Variants in TMEM178B observed in about 807,000 individuals in gnomAD.
TMEM178B encodes transmembrane protein 178B.
In TMEM178B, 5 loss-of-function variants were observed where a neutral mutation model predicts 31.0. The ratio of observed to expected loss-of-function variants is 0.16; its 90% CI spans 0.08 to 0.34. TMEM178B has a LOEUF of 0.34. Ranked by LOEUF, TMEM178B falls within the 10% of genes least tolerant of loss-of-function variation. The probability of loss-of-function intolerance (pLI) is 1.00; values close to 1 mark genes in which losing one functional copy is unlikely to be tolerated. For synonymous variants in TMEM178B, 164 were observed against 164.0 expected, an observed-to-expected ratio of 1.00 and a Z score of 0.00; for missense variants, 275 against 400.3, an observed-to-expected ratio of 0.69 and a Z score of 2.67.
intron 1 of TMEM178B, among the ~76,000 whole-genome samples, chr7:141,136,279 A>G (rs1452503495): frequency 1.3e-5 from 2 of 152,246 alleles, no homozygotes; most frequent in East Asian, 1.9e-4. Flanking sequence ...CACTGGGGAA[A>G]GGACTTGCTC....
intron 2 of TMEM178B, among the ~76,000 whole-genome samples, chr7:141,291,732 C>T (rs532130429): frequency 3.9e-4 from 59 of 152,086 alleles, no homozygotes; most frequent in Admixed American, 1.7e-3. Context: ...AGACAACAAA[C>T]GCCTTTTGGT....
chr7:141,218,428 A>G lies in TMEM178B; in HGVS notation c.496+5724A>G, dbSNP rs112356450. ...CCACTAGGAGGGACAAGAAGTAAAA[A>G]TCCAGAACTGTCTCACTTACTGCAG... On this transcript the variant is annotated intron_variant, in intron 2 of 3. Coordinates refer to ENST00000565468, the MANE Select transcript of TMEM178B (RefSeq NM_001195278.2). Among the ~76,000 whole-genome samples, 60 of 152,258 alleles carry G rather than the reference A, an allele frequency of 3.9e-4. 1 individual carries two copies. Among genetic ancestry groups the G allele is most frequent in the African/African-American group, 1.3e-3 (54 of 41,548 alleles).
intron 1 of TMEM178B, among the ~76,000 whole-genome samples, chr7:141,147,219 C>T (rs1795867409): frequency 6.6e-6 from 1 of 152,018 alleles, no homozygotes; most frequent in Admixed American, 6.6e-5. Flanking sequence ...CTCCCTCCGT[C>T]CCTCCTTCCC....
chr7:141,252,288 T>A (rs768620826), intron 2 of TMEM178B, among the ~76,000 whole-genome samples: 7 of 152,188 alleles, frequency 4.6e-5, no homozygotes, highest in Non-Finnish European at 7.4e-5. Flanking sequence ...TGGTGAGGAC[T>A]GGACAGGGGG....
intron 2 of TMEM178B, among the ~76,000 whole-genome samples, chr7:141,220,179 G>T (rs979876126): frequency 7.0e-6 from 1 of 143,672 alleles, no homozygotes; most frequent in Non-Finnish European, 1.5e-5. Flanking sequence ...TTAGCTGGGC[G>T]TGGTGACATA....
At chr7:141,439,687 G>A (rs927190283) in intron 3 of TMEM178B, among the ~76,000 whole-genome samples, 1 of 152,128 alleles carries the variant, frequency 6.6e-6, no homozygotes, top group Non-Finnish European at 1.5e-5. Context: ...CTTTCCTAAG[G>A]CTCTAGAGAG....
chr7:141,285,144 A>T (rs1369442022), intron 2 of TMEM178B, among the ~76,000 whole-genome samples: 19 of 117,990 alleles, frequency 1.6e-4, no homozygotes, highest in Admixed American at 3.6e-4. Flanking sequence ...CCAATTCAGG[A>T]TTCTTGTTTC....
chr7:141,304,565 C>T (rs1038602136), intron 2 of TMEM178B, among the ~76,000 whole-genome samples: 4 of 152,180 alleles, frequency 2.6e-5, no homozygotes, highest in Non-Finnish European at 5.9e-5. Flanking sequence ...ACTGCTGTGA[C>T]CACCATCATC....
rs563038642 is a variant in TMEM178B, at chr7:141,171,612, G to A, written c.383-40979G>A. Among the ~76,000 whole-genome samples, 53 of 152,260 alleles carry A rather than the reference G, an allele frequency of 3.5e-4. No individual in the cohort carries two copies. Among genetic ancestry groups the A allele is most frequent in the African/African-American group, 1.0e-3 (43 of 41,564 alleles). Reference sequence around the variant, plus strand: ...CCACCTTGCCAGGCCTCGGTCTCCCGCATGACACTGTCTTCTGAGTGATGC... The same window carrying A: ...CCACCTTGCCAGGCCTCGGTCTCCCACATGACACTGTCTTCTGAGTGATGC... On this transcript the variant is annotated intron_variant, in intron 1 of 3. Transcript: ENST00000565468. This position sits in a 1 kb window ranked among gnomAD's most constrained non-coding sequence, Gnocchi z 4.3.
chr7:141,333,833 G>A (rs1405234841), intron 2 of TMEM178B, among the ~76,000 whole-genome samples: 1 of 152,194 alleles, frequency 6.6e-6, no homozygotes, highest in African/African-American at 2.4e-5. Flanking sequence ...GTTTCTAAAG[G>A]AGCGCGCAAT....
At chr7:141,494,875 A>G in the TMEM178B span, among the ~76,000 whole-genome samples, 2 of 152,158 alleles carry the variant, frequency 1.3e-5, no homozygotes, top group African/African-American at 4.8e-5. Flanking sequence ...GATGTCTGGG[A>G]TTTGCTTCAC....
chr7:141,438,158 G>A (rs1448660380), intron 3 of TMEM178B, among the ~76,000 whole-genome samples: 12 of 152,086 alleles, frequency 7.9e-5, no homozygotes, highest in Admixed American at 3.9e-4. Context: ...GGCACTTTCC[G>A]TCCAAAAGTC....
rs1477682620 is a variant in TMEM178B, at chr7:141,479,265, T to A, written c.*8479T>A. ...GTCACCTGGGCCAGTCACCTGCTAA[T>A]ATCATCTCACCAATATTTGGAGCTG... On this transcript the variant is annotated 3_prime_UTR_variant, in exon 4 of 4. Transcript: ENST00000565468. 1 of 152,264 alleles carries A rather than the reference T, an allele frequency of 6.6e-6. No individual in the cohort carries two copies. Among genetic ancestry groups the A allele is most frequent in the Admixed American group, 6.5e-5 (1 of 15,292 alleles). 9.4% of individuals were successfully genotyped at this position (152,264 alleles called of 1,614,324 possible).
chr7:141,244,860 A>G (rs114777759), intron 2 of TMEM178B, among the ~76,000 whole-genome samples: 2,480 of 151,286 alleles, frequency 0.016, 73 homozygotes, highest in African/African-American at 0.057. Context: ...GCACAGGGCC[A>G]GGCTTGGTGG....
intron 3 of TMEM178B, among the ~76,000 whole-genome samples, chr7:141,445,041 G>C (rs1801728269): frequency 6.6e-6 from 1 of 152,174 alleles, no homozygotes; most frequent in Non-Finnish European, 1.5e-5. Context: ...AATCATTAAA[G>C]TTTCTTTTCC....
chr7:141,434,223 G>A (rs1801492089), intron 2 of TMEM178B, among the ~76,000 whole-genome samples: 1 of 152,150 alleles, frequency 6.6e-6, no homozygotes, highest in Non-Finnish European at 1.5e-5. Context: ...TGGCCAAGGT[G>A]GACACCTCTT....
chr7:141,494,562 T>C, the TMEM178B span, among the ~76,000 whole-genome samples: 83 of 152,304 alleles, frequency 5.4e-4, no homozygotes, highest in African/African-American at 1.9e-3. Context: ...ATTAAAATTG[T>C]TATGAGGCCA....
intron 2 of TMEM178B, among the ~76,000 whole-genome samples, chr7:141,390,368 A>C (rs10250726): frequency 0.15 from 23,285 of 152,214 alleles, 1,884 homozygotes; most frequent in Non-Finnish European, 0.17. Context: ...GGTGGTTTCT[A>C]TTCTCAAGTG....
intron 2 of TMEM178B, among the ~76,000 whole-genome samples, chr7:141,350,893 A>G (rs1799709523): frequency 6.6e-6 from 1 of 152,244 alleles, no homozygotes; most frequent in African/African-American, 2.4e-5. Flanking sequence ...TAAAAACTAT[A>G]GAAGTCGTGT....
Sources: allele counts gnomAD v4.1 joint callset (sites outside exome capture counted in the v4.1 genomes callset), GRCh38; gene constraint gnomAD v4.1.1; non-coding constraint Gnocchi (gnomAD v3.1); transcripts MANE v1.5; gene names NCBI Gene and HGNC (gene_info 2026-07-23, HGNC 2026-07-21).